The following DOCK2 variants were observed in gnomAD, a reference collection of about 807,000 sequenced individuals.
DOCK2 encodes the protein dedicator of cytokinesis 2.
In DOCK2, 87 loss-of-function variants were observed where a neutral mutation model predicts 248.9. The ratio of observed to expected loss-of-function variants is 0.35; its 90% confidence interval spans 0.29 to 0.42. The LOEUF (loss-of-function observed/expected upper bound fraction) is 0.42, where lower values mean the gene tolerates loss of function less well. Ranked by LOEUF, DOCK2 falls within the 10% of genes least tolerant of loss-of-function variation. The pLI is 1.00. For synonymous variants in DOCK2, 805 were observed against 821.6 expected, an observed-to-expected ratio of 0.98 and a Z score of 0.35; for missense variants, 1,747 against 2,300.2, an observed-to-expected ratio of 0.76 and a Z score of 4.92.
intron 26 of DOCK2, among the ~76,000 whole-genome samples, chr5:169,829,338 A>G (rs899861646): frequency 6.6e-6 from 1 of 152,242 alleles, no homozygotes; most frequent in East Asian, 1.9e-4. Flanking sequence ...ACAGAGTTAA[A>G]CAGGTTGCCT....
chr5:170,045,925 G>A lies in DOCK2; in HGVS notation c.3966+20G>A. On this transcript the variant is annotated intron_variant, in intron 39 of 51. Coordinates refer to ENST00000520908, the MANE Select transcript of DOCK2 (RefSeq NM_004946.3). ...AACCTGGTAAGGCATCCCCTGGGAA[G>A]GCTGAATGCCCTGCAGGCTGGGTGC... 6.2e-7 allele frequency: 1 copy of A among 1,613,014 alleles called. No homozygotes were observed. Among genetic ancestry groups the A allele is most frequent in the Non-Finnish European group, 8.5e-7 (1 of 1,179,008 alleles).
At chr5:169,972,319 T>G (rs917722548) in intron 27 of DOCK2, among the ~76,000 whole-genome samples, 2 of 152,282 alleles carry the variant, frequency 1.3e-5, no homozygotes, top group South Asian at 4.1e-4. Context: ...TATCTTCCCC[T>G]TTATGGATCA....
At chr5:169,742,175 G>A (rs1284976554) in intron 22 of DOCK2, among the ~76,000 whole-genome samples, 1 of 152,072 alleles carries the variant, frequency 6.6e-6, no homozygotes, top group Non-Finnish European at 1.5e-5. Flanking sequence ...TCAGTAAATG[G>A]TAGTTGTCTT....
intron 22 of DOCK2, among the ~76,000 whole-genome samples, chr5:169,739,725 A>C (rs961929036): frequency 2.4e-4 from 37 of 152,336 alleles, no homozygotes; most frequent in African/African-American, 8.2e-4. Flanking sequence ...AAATAAAAAC[A>C]CTGAGGGAAC....
intron 27 of DOCK2, chr5:169,883,148 C>T: frequency 6.4e-7 from 1 of 1,551,598 alleles, no homozygotes; most frequent in Non-Finnish European, 8.7e-7. Flanking sequence ...TTTTCTGAAT[C>T]TAGTGGAGTC....
intron 22 of DOCK2, among the ~76,000 whole-genome samples, chr5:169,720,311 T>C (rs1237013393): frequency 6.6e-6 from 1 of 152,244 alleles, no homozygotes; most frequent in Non-Finnish European, 1.5e-5. Flanking sequence ...AAGGATATCT[T>C]ATCCCATCTT....
chr5:169,656,821 G>A (rs1478726491), intron 2 of DOCK2, among the ~76,000 whole-genome samples: 2 of 152,228 alleles, frequency 1.3e-5, no homozygotes, highest in East Asian at 3.8e-4. Context: ...AGCCTTGCCA[G>A]TACCTTTCCC....
Position 169,807,833 on chromosome 5 carries a change from C to CAAAAAAAAAA in DOCK2, c.2703+4644_2703+4653dup, listed in dbSNP as rs61670398. On this transcript the variant is annotated intron_variant, in intron 26 of 51. Transcript: ENST00000520908. ...TGGGAGACAGAGCAAGACTCTGTCT[C>CAAAAAAAAAA]AAAAAAAAAAAAAAAAAAAAAAAAA... is the stretch of plus-strand genomic sequence containing the variant. 1.5e-3 allele frequency among the ~76,000 whole-genome samples: 36 copies of CAAAAAAAAAA among 24,230 alleles called. 4 individuals are homozygous for CAAAAAAAAAA. The highest frequency in any genetic ancestry group is 8.1e-3 in the South Asian group (4 of 494). The allele number at this position is 24,230 out of a possible 152,430, so 15.9% of individuals were successfully genotyped here.
chr5:169,974,426 G>T (rs1255241464), intron 27 of DOCK2, among the ~76,000 whole-genome samples: 1 of 152,158 alleles, frequency 6.6e-6, no homozygotes, highest in African/African-American at 2.4e-5. Context: ...CTTTCAGATG[G>T]GAAATGGAGG....
At chr5:170,057,695 ACCCTTCCTCCGATGGGCAGGGCAC>A (rs1355900807) in intron 44 of DOCK2, 29 bp downstream of exon 44, 2 of 1,571,508 alleles carry the variant, frequency 1.3e-6, no homozygotes, top group South Asian at 2.4e-5. Context: ...TGGCAGGGCC[ACCCTTCCTCCGATGGGCAGGGCAC>A]AGCCAGTCTC....
At chr5:169,794,273 C>T (rs191326195) in intron 25 of DOCK2, among the ~76,000 whole-genome samples, 4 of 152,198 alleles carry the variant, frequency 2.6e-5, no homozygotes, top group African/African-American at 9.6e-5. Flanking sequence ...GATTTTTGTA[C>T]TCGGCTTGGC....
chr5:169,800,340 C>G (rs1172516865), intron 25 of DOCK2, among the ~76,000 whole-genome samples: 1 of 152,176 alleles, frequency 6.6e-6, no homozygotes, highest in Non-Finnish European at 1.5e-5. Flanking sequence ...CACCAGTGTT[C>G]CCTAAATCCT....
intron 44 of DOCK2, 95 bp downstream of exon 44, chr5:170,057,761 T>C: frequency 8.9e-7 from 1 of 1,118,888 alleles, no homozygotes; most frequent in East Asian, 2.6e-5. Flanking sequence ...AAAGGAGACA[T>C]GTTTTTCTTT....
chr5:169,654,074 A>T (rs1757956366), intron 1 of DOCK2, among the ~76,000 whole-genome samples: 1 of 152,212 alleles, frequency 6.6e-6, no homozygotes, highest in South Asian at 2.1e-4. Flanking sequence ...TTTTAATTGT[A>T]GCAAAACATG....
intron 2 of DOCK2, among the ~76,000 whole-genome samples, chr5:169,657,907 G>A (rs1399769661): frequency 6.6e-6 from 1 of 152,138 alleles, no homozygotes; most frequent in Admixed American, 6.5e-5. Flanking sequence ...GAATGTTATT[G>A]TTGGGAACCT....
chr5:169,766,337 CCT>C (rs1377959651), intron 25 of DOCK2, among the ~76,000 whole-genome samples: 8 of 152,116 alleles, frequency 5.3e-5, no homozygotes, highest in African/African-American at 1.9e-4. Flanking sequence ...GTTTTCTGCT[CCT>C]GTGTTAATTT....
intron 22 of DOCK2, among the ~76,000 whole-genome samples, chr5:169,719,995 G>A (rs1762105032): frequency 6.6e-6 from 1 of 152,002 alleles, no homozygotes; most frequent in Admixed American, 6.6e-5. Flanking sequence ...ATATTTGACA[G>A]TGCATCTGAA....
chr5:169,700,537 T>C (rs1414916461), intron 13 of DOCK2, among the ~76,000 whole-genome samples: 2 of 152,148 alleles, frequency 1.3e-5, no homozygotes, highest in Admixed American at 1.3e-4. Flanking sequence ...AAGCTTTTTT[T>C]TTTTATATTA....
intron 27 of DOCK2, among the ~76,000 whole-genome samples, chr5:169,936,243 G>C (rs571076144): frequency 6.6e-6 from 1 of 152,286 alleles, no homozygotes; most frequent in Non-Finnish European, 1.5e-5. Flanking sequence ...TAACACTTCC[G>C]TGCATGGTTC....
Sources: gnomAD v4.1 joint callset for allele counts (sites outside exome capture counted in the v4.1 genomes callset) on GRCh38, gnomAD v4.1.1 for gene constraint, MANE v1.5 for transcripts, NCBI Gene and HGNC (gene_info 2026-07-23, HGNC 2026-07-21) for gene names.